Variants in TNNT2 observed in about 807,000 individuals in gnomAD.
The protein encoded by TNNT2 is troponin T2, cardiac type, also known as troponin T, cardiac muscle.
In TNNT2, 34 loss-of-function variants were observed where a neutral mutation model predicts 62.4. The ratio of observed to expected loss-of-function variants is 0.54; its 90% confidence interval spans 0.41 to 0.72. TNNT2 has a LOEUF of 0.72. Ranked by LOEUF, TNNT2 falls within the 30% of genes least tolerant of loss-of-function variation. The pLI is 0.00. For missense variants in TNNT2, 275 were observed against 381.9 expected (o/e 0.72, Z 2.33); for synonymous variants, 123 against 127.2 (o/e 0.97, Z 0.22).
chr1:201,377,111 A>C (rs1237164014), intron 1 of TNNT2, among the ~76,000 whole-genome samples: 1 of 152,166 alleles, frequency 6.6e-6, no homozygotes, highest in African/African-American at 2.4e-5. Context: ...TAGCCTTGAG[A>C]ATATGACCAG....
At chr1:201,368,128 C>A (rs982080257) in intron 6 of TNNT2, 34 bp downstream of exon 6, 2 of 1,611,112 alleles carry the variant, frequency 1.2e-6, no homozygotes, top group Non-Finnish European at 8.5e-7. Flanking sequence ...CTCGCCACCC[C>A]CTGAGGCCCC....
intron 7 of TNNT2, chr1:201,367,355 AG>A: frequency 2.6e-6 from 1 of 389,522 alleles, no homozygotes; most frequent in African/African-American, 2.0e-5. Context: ...GGGACCACTT[AG>A]AACCCTGGTG....
At chr1:201,371,704 G>A (rs1660629245) in intron 4 of TNNT2, among the ~76,000 whole-genome samples, 1 of 151,922 alleles carries the variant, frequency 6.6e-6, no homozygotes, top group African/African-American at 2.4e-5. Context: ...GGGCAGGGGG[G>A]GCCATTATTA....
chr1:201,364,512 C>A (rs1659312766), intron 10 of TNNT2, 137 bp from the exon 11 acceptor site: 1 of 864,736 alleles, frequency 1.2e-6, no homozygotes, highest in Non-Finnish European at 1.9e-6. Context: ...GGTGCCCGGC[C>A]TCCAAGGGCC....
chr1:201,361,163 G>A, intron 15 of TNNT2, 116 bp downstream of exon 15: 1 of 959,208 alleles, frequency 1.0e-6, no homozygotes, highest in South Asian at 1.3e-5. Context: ...GGAGCTGAAG[G>A]GGGCTGTTGG....
chr1:201,362,216 G>C (rs898084172), intron 13 of TNNT2, 170 bp downstream of exon 13: 3 of 1,274,002 alleles, frequency 2.4e-6, no homozygotes, highest in Admixed American at 3.9e-5. Flanking sequence ...GAAGGATCAC[G>C]TCAGTCTCTT....
chr1:201,361,446 GC>G, intron 14 of TNNT2, 77 bp from the exon 15 acceptor site: 7 of 1,356,572 alleles, frequency 5.2e-6, no homozygotes, highest in Non-Finnish European at 7.4e-6. Flanking sequence ...TCCCGGCCCA[GC>G]CCCCAGCATC....
At chr1:201,368,102 A>T (rs1660003599) in intron 6 of TNNT2, 60 bp downstream of exon 6, 4 of 1,558,084 alleles carry the variant, frequency 2.6e-6, no homozygotes, top group Non-Finnish European at 3.5e-6. Context: ...CTGCCTCAGG[A>T]ATGGCTCCAG....
rs370895664 is a variant in TNNT2 at position 201,369,829 on chromosome 1, T to C, written c.84A>G (p.Arg28=). ...EAAVEEEEDW[R]EDEDEQEEAA... is the part of the protein sequence containing the mutation. ...AGGCTGTACTACCGTCTTCGTCCTC[T>C]CTCCAGTCCTCCTCTTCTGAGGTTC... The change falls in exon 5 of 17, where the codon AGA becomes AGG. Residue 28 remains arginine, a synonymous_variant. Coordinates refer to ENST00000656932, the MANE Select transcript of TNNT2 (RefSeq NM_001276345.2). 6.1e-5 allele frequency: 99 copies of C among 1,614,002 alleles called. No individual in the cohort carries two copies. The highest frequency in any genetic ancestry group is 8.3e-5 in the Non-Finnish European group (98 of 1,180,012).
chr1:201,369,565 C>T (rs1203330190), intron 5 of TNNT2, among the ~76,000 whole-genome samples: 1 of 152,200 alleles, frequency 6.6e-6, no homozygotes, highest in African/African-American at 2.4e-5. Context: ...GCCTTGGTCC[C>T]TCCCACCACC....
chr1:201,375,153 G>A (rs1661210519), intron 1 of TNNT2: 1 of 152,288 alleles, frequency 6.6e-6, no homozygotes, highest in Admixed American at 6.5e-5. Context: ...CATCCAGCAA[G>A]AGCCAGGGCT....
intron 6 of TNNT2, among the ~76,000 whole-genome samples, 174 bp downstream of exon 6, chr1:201,367,988 A>G (rs1045216682): frequency 5.3e-5 from 8 of 152,128 alleles, no homozygotes; most frequent in African/African-American, 1.9e-4. Context: ...CTGACACAAG[A>G]GAAGCGCTGG....
chr1:201,373,159 G>A (rs761315360), intron 2 of TNNT2, 55 bp downstream of exon 2: 26 of 1,570,382 alleles, frequency 1.7e-5, no homozygotes, highest in South Asian at 7.8e-5. Context: ...TGGACCAGGT[G>A]TCAGGGCAGC....
Position 201,361,893 on chromosome 1 carries a change from C to A in TNNT2, c.719+20G>T. 1 of 1,608,808 alleles carries A rather than the reference C, an allele frequency of 6.2e-7. No homozygotes were observed. ...AGCAGATGCGGGCAGTGCCCCAGGA[C>A]CATTCCTCCCAGCCCCCACCTCAGC... On this transcript the variant is annotated intron_variant, in intron 14 of 16. Coordinates refer to ENST00000656932, the MANE Select transcript of TNNT2 (RefSeq NM_001276345.2).
chr1:201,362,684 A>G (rs571277386), intron 12 of TNNT2, among the ~76,000 whole-genome samples: 1 of 152,076 alleles, frequency 6.6e-6, no homozygotes. Context: ...ATCTAAGAAA[A>G]TGTTTTGATT....
intron 16 of TNNT2, among the ~76,000 whole-genome samples, 155 bp downstream of exon 16, chr1:201,359,468 G>A (rs3730242): frequency 3.2e-4 from 49 of 152,136 alleles, no homozygotes; most frequent in East Asian, 1.7e-3. Context: ...AGAGAAGCAC[G>A]AGGCCCCGGA....
At chr1:201,371,900 T>C in intron 4 of TNNT2, 127 bp downstream of exon 4, 2 of 1,286,766 alleles carry the variant, frequency 1.6e-6, no homozygotes, top group Non-Finnish European at 2.2e-6. Context: ...AAGGCACTGT[T>C]GTTGGAGGAT....
At chr1:201,365,518 C>G (rs1417765169) in intron 9 of TNNT2, 92 bp downstream of exon 9, 137 of 1,447,924 alleles carry the variant, frequency 9.5e-5, no homozygotes, top group Non-Finnish European at 1.3e-4. Context: ...CACCTATGCT[C>G]TACCCCAGCC....
chr1:201,373,384 C>T (rs1314905208), intron 1 of TNNT2, 116 bp from the exon 2 acceptor site: 1 of 893,494 alleles, frequency 1.1e-6, no homozygotes, highest in African/African-American at 1.6e-5. Flanking sequence ...TAGTTCCACC[C>T]CTCATGAGCT....
Sources: gnomAD v4.1 joint callset for allele counts (sites outside exome capture counted in the v4.1 genomes callset) on GRCh38, gnomAD v4.1.1 for gene constraint, MANE v1.5 for transcripts, NCBI Gene and HGNC (gene_info 2026-07-23, HGNC 2026-07-21) for gene names.